Variants in ANO4 observed in about 807,000 individuals in gnomAD.
The protein encoded by ANO4 is anoctamin-4.
Under a neutral mutation model 141.9 loss-of-function variants are expected in ANO4, and 69 were observed. That is an observed-to-expected ratio of 0.49 (90% CI 0.40 to 0.59). ANO4 has a LOEUF of 0.59. ANO4 is among the 20% of genes least tolerant of loss of function. ANO4 has a pLI of 0.00. For synonymous variants in ANO4, 350 were observed against 394.3 expected, an observed-to-expected ratio of 0.89 and a Z score of 1.33; for missense variants, 894 against 1,162.2, an observed-to-expected ratio of 0.77 and a Z score of 3.36.
At chr12:100,817,189 G>T (rs2035782347) in intron 1 of ANO4, among the ~76,000 whole-genome samples, 1 of 151,586 alleles carries the variant, frequency 6.6e-6, no homozygotes, top group Admixed American at 6.6e-5. Flanking sequence ...TATATTAAAA[G>T]ATTAAAAAAT....
intron 1 of ANO4, among the ~76,000 whole-genome samples, chr12:100,833,876 T>C (rs2036761847): frequency 6.6e-6 from 1 of 152,178 alleles, no homozygotes; most frequent in East Asian, 1.9e-4. Context: ...CTGAGCCAAA[T>C]AAGGAAACGT....
At chr12:100,724,545 G>A (rs1336231927) in intron 1 of ANO4, among the ~76,000 whole-genome samples, 1 of 152,192 alleles carries the variant, frequency 6.6e-6, no homozygotes, top group East Asian at 1.9e-4. Flanking sequence ...TATGAAAACA[G>A]CAATACTGTC....
At chr12:101,027,751 GTC>G (rs1036669166) in intron 9 of ANO4, among the ~76,000 whole-genome samples, 1 of 152,168 alleles carries the variant, frequency 6.6e-6, no homozygotes, top group Non-Finnish European at 1.5e-5. Flanking sequence ...AGTGGCTGCA[GTC>G]TCTGCAGACC....
chr12:100,862,785 G>A (rs1236756907), intron 1 of ANO4, among the ~76,000 whole-genome samples: 1 of 152,128 alleles, frequency 6.6e-6, no homozygotes. Context: ...TAGGTAATAG[G>A]AATTTTCCAC....
chr12:101,055,383 G>A (rs2128632), intron 14 of ANO4, among the ~76,000 whole-genome samples: 86,919 of 151,988 alleles, frequency 0.57, 25,628 homozygotes, highest in African/African-American at 0.72. Flanking sequence ...GTGGGTATAT[G>A]GTATTATCCC....
chr12:101,117,304 C>T (rs2050893738), intron 25 of ANO4, among the ~76,000 whole-genome samples: 1 of 152,204 alleles, frequency 6.6e-6, no homozygotes, highest in Admixed American at 6.5e-5. Context: ...CTTTCTTTCT[C>T]TCCCTCTAAA....
chr12:100,816,950 T>A (rs893091026), intron 1 of ANO4, among the ~76,000 whole-genome samples: 9 of 150,288 alleles, frequency 6.0e-5, no homozygotes, highest in East Asian at 3.9e-4. Flanking sequence ...TTTATTTTTT[T>A]AAAAAATAGA....
intron 1 of ANO4, among the ~76,000 whole-genome samples, chr12:100,831,468 C>T (rs773264504): frequency 6.8e-4 from 103 of 152,064 alleles, no homozygotes; most frequent in Non-Finnish European, 1.3e-3. Context: ...TATAACAAGT[C>T]CCGTGTAGGG....
intron 3 of ANO4, among the ~76,000 whole-genome samples, chr12:100,776,730 CTTAA>C (rs1458094489): frequency 6.6e-6 from 1 of 152,120 alleles, no homozygotes; most frequent in African/African-American, 2.4e-5. Flanking sequence ...GACCTTTTGC[CTTAA>C]TTTATTTTGT....
chr12:100,856,207 C>A (rs2038162606), intron 1 of ANO4, among the ~76,000 whole-genome samples: 1 of 152,122 alleles, frequency 6.6e-6, no homozygotes, highest in Admixed American at 6.6e-5. Context: ...TTATAATCAG[C>A]CAGAATTTTC....
intron 8 of ANO4, among the ~76,000 whole-genome samples, chr12:100,992,891 C>A (rs1462115619): frequency 1.3e-5 from 2 of 152,136 alleles, no homozygotes; most frequent in Non-Finnish European, 2.9e-5. Flanking sequence ...AGTTGAGAAT[C>A]TATTAAAAAA....
chr12:100,736,857 C>G (rs1317697176), intron 2 of ANO4, among the ~76,000 whole-genome samples: 1 of 152,144 alleles, frequency 6.6e-6, no homozygotes, highest in Non-Finnish European at 1.5e-5. Flanking sequence ...ACACCAGAAG[C>G]CTGGAGAGAG....
intron 10 of ANO4, among the ~76,000 whole-genome samples, chr12:101,037,697 C>G (rs1224997646): frequency 6.6e-6 from 1 of 152,200 alleles, no homozygotes; most frequent in Non-Finnish European, 1.5e-5. Flanking sequence ...CTGATTACCC[C>G]AGCTCTACTT....
At chr12:100,791,799 C>A (rs896373938), upstream of ANO4, among the ~76,000 whole-genome samples, 2 of 152,118 alleles carry the variant, frequency 1.3e-5, no homozygotes, top group Non-Finnish European at 2.9e-5. Flanking sequence ...GCCCCAGGTG[C>A]CCCAGTGTAC....
intron 1 of ANO4, among the ~76,000 whole-genome samples, chr12:100,817,977 G>C (rs2035827295): frequency 6.6e-6 from 1 of 151,634 alleles, no homozygotes; most frequent in Admixed American, 6.6e-5. Context: ...GACAATCCTA[G>C]TGCAGAATTC....
At position 100,831,364 on chromosome 12, in the gene ANO4, T is replaced by C. The variant is rs537101835; in HGVS notation, c.-141+36337T>C. 3.3e-5 allele frequency among the ~76,000 whole-genome samples: 5 copies of C among 152,268 alleles called. No individual in the cohort carries two copies. In the East Asian group the frequency reaches 9.7e-4, roughly 30 times the overall value. On this transcript the variant is annotated intron_variant, in intron 1 of 27. Transcript: ENST00000392977. ...CATCAGTTTTCCTATAGACATTTGC[T>C]ACAATTCCAGGTTAATTTCTTTTGA...
At chr12:101,042,492 T>A in intron 12 of ANO4, 24 bp downstream of exon 12, 1 of 1,613,756 alleles carries the variant, frequency 6.2e-7, no homozygotes, top group African/African-American at 1.3e-5. Context: ...TTGGATGAGT[T>A]TGCCTTTGTT....
At chr12:101,011,066 C>T (rs1254934443) in intron 8 of ANO4, among the ~76,000 whole-genome samples, 1 of 152,132 alleles carries the variant, frequency 6.6e-6, no homozygotes, top group Non-Finnish European at 1.5e-5. Context: ...GCATTTCTGT[C>T]TCCACATGGC....
At chr12:100,826,903 T>C (rs1461448030) in intron 1 of ANO4, among the ~76,000 whole-genome samples, 1 of 152,012 alleles carries the variant, frequency 6.6e-6, no homozygotes, top group Non-Finnish European at 1.5e-5. Flanking sequence ...CTTTAAAATA[T>C]ATTCAGAATC....
Sources: gnomAD v4.1 joint callset for allele counts (sites outside exome capture counted in the v4.1 genomes callset) on GRCh38, gnomAD v4.1.1 for gene constraint, MANE v1.5 for transcripts, NCBI Gene and HGNC (gene_info 2026-07-23, HGNC 2026-07-21) for gene names.